BORCS5: variants seen among roughly 807,000 people sequenced by gnomAD.
BORCS5 encodes BLOC-1 related complex subunit 5, also known as BLOC-1-related complex subunit 5.
A neutral mutation model predicts 22.1 loss-of-function variants in BORCS5; 17 were observed. The observed-to-expected ratio is 0.77, with a 90% confidence interval of 0.53 to 1.15. BORCS5 has a LOEUF of 1.15. BORCS5 is among the 50% of genes most tolerant of loss of function. BORCS5 has a pLI of 0.00. For synonymous variants in BORCS5, 117 were observed against 99.8 expected, an observed-to-expected ratio of 1.17 and a Z score of -1.03; for missense variants, 247 against 253.2, an observed-to-expected ratio of 0.98 and a Z score of 0.17.
At chr12:12,381,443 A>G (rs760348584) in intron 2 of BORCS5, among the ~76,000 whole-genome samples, 1 of 151,350 alleles carries the variant, frequency 6.6e-6, no homozygotes, top group Non-Finnish European at 1.5e-5. Context: ...ACCCTGTACC[A>G]TATGTTGAAA....
intron 2 of BORCS5, among the ~76,000 whole-genome samples, chr12:12,362,994 T>A (rs1392394849): frequency 6.6e-6 from 1 of 151,924 alleles, no homozygotes; most frequent in East Asian, 1.9e-4. Context: ...ATAATGTGAT[T>A]CTCTAAAGAA....
At chr12:12,381,806 T>C (rs1200225212) in intron 2 of BORCS5, among the ~76,000 whole-genome samples, 1 of 151,436 alleles carries the variant, frequency 6.6e-6, no homozygotes, top group Non-Finnish European at 1.5e-5. Context: ...GTTGATAGTG[T>C]TTTTTGAGTT....
At chr12:12,444,721 G>A (rs1286704995) in intron 3 of BORCS5, among the ~76,000 whole-genome samples, 1 of 152,034 alleles carries the variant, frequency 6.6e-6, no homozygotes, top group Non-Finnish European at 1.5e-5. Flanking sequence ...TCCTGCCAAT[G>A]AAAACCAAGT....
intron 2 of BORCS5, among the ~76,000 whole-genome samples, chr12:12,387,982 GAC>G (rs1863919073): frequency 6.6e-6 from 1 of 151,484 alleles, no homozygotes; most frequent in Admixed American, 6.6e-5. Context: ...ACAGTCAACA[GAC>G]ACAGAACTCT....
chr12:12,381,050 C>T (rs533344548), intron 2 of BORCS5, among the ~76,000 whole-genome samples: 5 of 137,136 alleles, frequency 3.6e-5, no homozygotes, highest in African/African-American at 1.2e-4. Context: ...CTCACTCTGT[C>T]GCCCAGGCTG....
At chr12:12,396,274 A>G (rs889859471) in intron 2 of BORCS5, among the ~76,000 whole-genome samples, 1 of 152,276 alleles carries the variant, frequency 6.6e-6, no homozygotes. Context: ...GGTGTGAGCA[A>G]CCGTGCCCAG....
chr12:12,451,774 T>C (rs1362479507), intron 3 of BORCS5, among the ~76,000 whole-genome samples: 1 of 152,098 alleles, frequency 6.6e-6, no homozygotes, highest in East Asian at 1.9e-4. Context: ...AAAAATTAGC[T>C]GGGCGTGGTG....
rs545044808 is a variant in BORCS5 at position 12,465,010 on chromosome 12, C to T, written c.361-536C>T. 1.6e-4 allele frequency among the ~76,000 whole-genome samples: 25 copies of T among 152,214 alleles called. No homozygotes were observed. The South Asian group carries it at 4.6e-3, about 28-fold the overall frequency. On this transcript the variant is annotated intron_variant, in intron 3 of 3. Transcript: ENST00000314565. ...TGTTAGAAACAGGGTCTCACTGTGTCGCCCAGGCTGGAGTGCAGTGGCATG... is the reference window on the plus strand; with the variant it reads ...TGTTAGAAACAGGGTCTCACTGTGTTGCCCAGGCTGGAGTGCAGTGGCATG...
At chr12:12,448,057 G>A (rs1341610451) in intron 3 of BORCS5, among the ~76,000 whole-genome samples, 2 of 152,092 alleles carry the variant, frequency 1.3e-5, no homozygotes, top group African/African-American at 2.4e-5. Flanking sequence ...TATATTTCAC[G>A]ATCAGCTGAG....
intron 2 of BORCS5, among the ~76,000 whole-genome samples, chr12:12,431,083 C>G (rs1206794020): frequency 6.6e-6 from 1 of 152,112 alleles, no homozygotes; most frequent in African/African-American, 2.4e-5. Flanking sequence ...TGTGTAAATT[C>G]CTAGTGGTGA....
chr12:12,386,833 TTGAG>T (rs1381262460), intron 2 of BORCS5, among the ~76,000 whole-genome samples: 1 of 151,126 alleles, frequency 6.6e-6, no homozygotes, highest in African/African-American at 2.4e-5. Flanking sequence ...TGCTTTAGGA[TTGAG>T]TCTTTTTATG....
At chr12:12,459,312 A>ATT (rs932962467) in intron 3 of BORCS5, among the ~76,000 whole-genome samples, 4 of 146,264 alleles carry the variant, frequency 2.7e-5, no homozygotes, top group African/African-American at 5.0e-5. Flanking sequence ...CAAGGTAGCA[A>ATT]TTTTTTTTTT....
chr12:12,439,350 G>A (rs1021573345), intron 3 of BORCS5, among the ~76,000 whole-genome samples: 5 of 152,110 alleles, frequency 3.3e-5, no homozygotes, highest in African/African-American at 7.2e-5. Flanking sequence ...TGACTTTGGC[G>A]GGCGACATGG....
chr12:12,382,822 C>T (rs1306103785), intron 2 of BORCS5, among the ~76,000 whole-genome samples: 1 of 151,338 alleles, frequency 6.6e-6, no homozygotes, highest in Non-Finnish European at 1.5e-5. Flanking sequence ...TGTGAGCCAC[C>T]GTGCCCAGTG....
chr12:12,453,034 C>T (rs748548040), intron 3 of BORCS5, among the ~76,000 whole-genome samples: 1 of 152,058 alleles, frequency 6.6e-6, no homozygotes, highest in African/African-American at 2.4e-5. Context: ...AAGACCAAAT[C>T]GGGATAGCCG....
rs535496833 is a variant in BORCS5 at position 12,457,497 on chromosome 12, A to G, written c.361-8049A>G. Among the ~76,000 whole-genome samples, 475 of 152,280 alleles carry G rather than the reference A, an allele frequency of 3.1e-3. 3 individuals are homozygous for G. The highest frequency in any genetic ancestry group is 0.011 in the African/African-American group (441 of 41,548). On this transcript the variant is annotated intron_variant, in intron 3 of 3. Transcript: ENST00000314565. ...ATCCTGGCTAACACGGTGAAACCCC[A>G]TCTCTACTAAAAATACAAAAAATTA...
chr12:12,416,744 A>C (rs965251703), intron 2 of BORCS5, among the ~76,000 whole-genome samples: 1 of 150,062 alleles, frequency 6.7e-6, no homozygotes, highest in Admixed American at 6.6e-5. Flanking sequence ...TATAGATTTG[A>C]GTCACCGCAC....
chr12:12,390,069 C>T (rs552332304), intron 2 of BORCS5, among the ~76,000 whole-genome samples: 2 of 152,206 alleles, frequency 1.3e-5, no homozygotes, highest in African/African-American at 4.8e-5. Context: ...GATAAAAAGC[C>T]ATCTTTTCCA....
intron 3 of BORCS5, among the ~76,000 whole-genome samples, chr12:12,439,865 A>G (rs1016347495): frequency 4.6e-5 from 7 of 152,190 alleles, no homozygotes; most frequent in South Asian, 2.1e-4. Flanking sequence ...CCGTCCGTCT[A>G]TGTTCACCTC....
Sources: allele counts gnomAD v4.1 joint callset (sites outside exome capture counted in the v4.1 genomes callset), GRCh38; gene constraint gnomAD v4.1.1; transcripts MANE v1.5; gene names NCBI Gene and HGNC (gene_info 2026-07-23, HGNC 2026-07-21).